The following TBC1D23 variants were observed in gnomAD, a reference collection of about 807,000 sequenced individuals.
TBC1D23 encodes the protein HCV non-structural protein 4A-transactivated protein 1.
Under a neutral mutation model 91.4 loss-of-function variants are expected in TBC1D23, and 55 were observed. The observed-to-expected ratio is 0.60, with a 90% confidence interval of 0.48 to 0.75. The LOEUF is 0.75. Ranked by LOEUF, TBC1D23 falls within the 30% of genes least tolerant of loss-of-function variation. The pLI is 0.00. For missense variants in TBC1D23, 725 were observed against 836.1 expected (o/e 0.87, Z 1.64); for synonymous variants, 289 against 281.0 (o/e 1.03, Z -0.28).
intron 8 of TBC1D23, among the ~76,000 whole-genome samples, 200 bp downstream of exon 8, chr3:100,296,475 G>A (rs1489992444): frequency 6.6e-6 from 1 of 151,556 alleles, no homozygotes; most frequent in East Asian, 1.9e-4. Context: ...ATAGTAGAAC[G>A]CATCTTACCT....
intron 1 of TBC1D23, among the ~76,000 whole-genome samples, chr3:100,266,313 A>G (rs2067557377): frequency 6.6e-6 from 1 of 151,892 alleles, no homozygotes; most frequent in African/African-American, 2.4e-5. Flanking sequence ...TCTGTCACCC[A>G]GGCTGGAGTG....
intron 1 of TBC1D23, among the ~76,000 whole-genome samples, chr3:100,274,035 C>T (rs903738612): frequency 1.3e-5 from 2 of 151,582 alleles, no homozygotes; most frequent in African/African-American, 4.8e-5. Context: ...AAAAGTGATT[C>T]ACAAAAAGTG....
chr3:100,302,280 A>G (rs756877900), intron 11 of TBC1D23, 43 bp downstream of exon 11: 1 of 1,494,002 alleles, frequency 6.7e-7, no homozygotes, highest in South Asian at 1.4e-5. Context: ...GGTTAATGTT[A>G]TCACCTTTAA....
intron 16 of TBC1D23, among the ~76,000 whole-genome samples, chr3:100,316,733 C>A (rs1705753196): frequency 6.6e-6 from 1 of 151,786 alleles, no homozygotes; most frequent in African/African-American, 2.4e-5. Flanking sequence ...AGGCAATATC[C>A]TAAAGGGCCA....
In TBC1D23 at chr3:100,295,115, C is replaced by G. The variant is rs138252908; in HGVS notation, c.629C>G (p.Ser210Cys). The G allele has an allele frequency of 5.0e-6, 8 of 1,601,348 alleles. No homozygotes were observed. Among genetic ancestry groups the G allele is most frequent in the South Asian group, 3.4e-5 (3 of 88,184 alleles). ...WLGSLFACYC[S>C]TEVTQAIWDG... ...GGAAGTCTTTTTGCATGTTACTGTTCCACTGAAGTCACTCAGGCAATATGG... is the reference window on the plus strand; with the variant it reads ...GGAAGTCTTTTTGCATGTTACTGTTGCACTGAAGTCACTCAGGCAATATGG... Residue 210 changes from serine (S) to cysteine (C), a missense_variant, in exon 6 of 19, where the codon TCC becomes TGC. Physicochemically the swap from Ser to Cys is moderately radical, Grantham distance 112. Coordinates refer to ENST00000394144, the MANE Select transcript of TBC1D23 (RefSeq NM_001199198.3).
chr3:100,312,876 G>A (rs914623787), intron 15 of TBC1D23, among the ~76,000 whole-genome samples: 7 of 151,976 alleles, frequency 4.6e-5, no homozygotes, highest in East Asian at 3.9e-4. Context: ...ACTTTCAGCC[G>A]GGCGCAATGG....
chr3:100,293,964 A>C (rs1473106141), intron 5 of TBC1D23, among the ~76,000 whole-genome samples: 1 of 152,194 alleles, frequency 6.6e-6, no homozygotes, highest in Non-Finnish European at 1.5e-5. Flanking sequence ...ACCTGTTGTG[A>C]GAATTTAAGT....
At chr3:100,310,286 C>A in intron 13 of TBC1D23, 117 bp from the exon 14 acceptor site, 1 of 895,326 alleles carries the variant, frequency 1.1e-6, no homozygotes, top group Non-Finnish European at 1.7e-6. Context: ...GGAGTTAGGA[C>A]TTCAACATAT....
Position 100,320,915 on chromosome 3 carries a change from T to C in TBC1D23, c.1962T>C (p.Ile654=), listed in dbSNP as rs765056952. The C allele has an allele frequency of 6.2e-7, 1 of 1,610,650 alleles. No individual in the cohort carries two copies. The highest frequency in any genetic ancestry group is 8.5e-7 in the Non-Finnish European group (1 of 1,178,998). The part of the protein sequence containing the change: ...ITSKKKHPEL[I]TFKYGNSSAS... ...CCAAAAAAAAACATCCTGAACTCAT[T>C]ACCTTCAAGTATGGAAATAGCAGTG... The change falls in exon 18 of 19, where the codon ATT becomes ATC. Residue 654 remains isoleucine, a synonymous_variant. Coordinates refer to ENST00000394144, the MANE Select transcript of TBC1D23 (RefSeq NM_001199198.3).
intron 4 of TBC1D23, among the ~76,000 whole-genome samples, chr3:100,287,933 T>A (rs995112929): frequency 4.2e-4 from 64 of 151,612 alleles, no homozygotes; most frequent in Non-Finnish European, 7.4e-4. Context: ...ACACTCCTTA[T>A]TAATGCTGTC....
intron 5 of TBC1D23, 60 bp downstream of exon 5, chr3:100,290,761 G>T: frequency 7.3e-7 from 1 of 1,373,304 alleles, no homozygotes; most frequent in South Asian, 1.5e-5. Context: ...GCTATAGTTA[G>T]GTGGGTTTTT....
At chr3:100,268,998 C>A (rs976750937) in intron 1 of TBC1D23, among the ~76,000 whole-genome samples, 2 of 152,062 alleles carry the variant, frequency 1.3e-5, no homozygotes, top group African/African-American at 4.8e-5. Context: ...TTTTTCTTAG[C>A]AGAGAAAAGG....
intron 5 of TBC1D23, among the ~76,000 whole-genome samples, chr3:100,292,968 A>T (rs2067804839): frequency 6.6e-6 from 1 of 152,076 alleles, no homozygotes; most frequent in South Asian, 2.1e-4. Context: ...TAAGGTAGTA[A>T]ACTATTTTTC....
chr3:100,316,248 A>G, intron 16 of TBC1D23, 61 bp downstream of exon 16: 1 of 1,150,062 alleles, frequency 8.7e-7, no homozygotes. Flanking sequence ...TACAGCAGTC[A>G]TTCTGGGAAT....
chr3:100,287,105 G>A (rs1239264250), intron 4 of TBC1D23, among the ~76,000 whole-genome samples: 4 of 151,950 alleles, frequency 2.6e-5, no homozygotes, highest in African/African-American at 4.8e-5. Context: ...AAGCTACCGC[G>A]CCCAGCCTTT....
intron 10 of TBC1D23, among the ~76,000 whole-genome samples, chr3:100,299,739 G>T (rs149146111): frequency 0.015 from 2,249 of 152,282 alleles, 55 homozygotes; most frequent in African/African-American, 0.052. Flanking sequence ...TCGAACTCCT[G>T]ACCTCAGGTG....
chr3:100,286,359 A>G (rs1159468952), intron 4 of TBC1D23, among the ~76,000 whole-genome samples: 2 of 152,126 alleles, frequency 1.3e-5, no homozygotes, highest in Non-Finnish European at 2.9e-5. Flanking sequence ...GCTTTGTAAC[A>G]TACTGTGTTG....
chr3:100,263,339 C>CG, intron 1 of TBC1D23, among the ~76,000 whole-genome samples: 1 of 152,274 alleles, frequency 6.6e-6, no homozygotes, highest in African/African-American at 2.4e-5. Context: ...TCAGTTAAGG[C>CG]GGGGCAGGGC....
intron 16 of TBC1D23, among the ~76,000 whole-genome samples, chr3:100,316,826 T>C (rs34700788): frequency 0.25 from 37,805 of 151,896 alleles, 5,056 homozygotes; most frequent in East Asian, 0.49. Flanking sequence ...GGCGCGGTGG[T>C]TCACGCTGTA....
Sources: allele counts gnomAD v4.1 joint callset (sites outside exome capture counted in the v4.1 genomes callset), GRCh38; gene constraint gnomAD v4.1.1; transcripts MANE v1.5; gene names NCBI Gene and HGNC (gene_info 2026-07-23, HGNC 2026-07-21).